CCDC73: variants seen among roughly 807,000 people sequenced by gnomAD.
The protein encoded by CCDC73 is coiled-coil domain-containing protein 73.
In CCDC73, 95 loss-of-function variants were observed where a neutral mutation model predicts 116.5. The ratio of observed to expected loss-of-function variants is 0.82; its 90% CI spans 0.69 to 0.97. CCDC73 has a LOEUF of 0.97. Among genes scored for constraint, CCDC73 ranks in the 50% least tolerant of loss-of-function variants. The pLI, the probability that CCDC73 is intolerant of heterozygous loss-of-function variation, is 0.00. For synonymous variants in CCDC73, 398 were observed against 401.3 expected (o/e 0.99, Z 0.10); for missense variants, 1,066 against 1,206.8 (o/e 0.88, Z 1.73).
intron 14 of CCDC73, among the ~76,000 whole-genome samples, chr11:32,617,612 A>T (rs1369091163): frequency 6.6e-6 from 1 of 152,130 alleles, no homozygotes; most frequent in Non-Finnish European, 1.5e-5. Context: ...CCCATTGGTG[A>T]TGTATGGAAC....
the CCDC73 span, among the ~76,000 whole-genome samples, chr11:32,810,697 C>A: frequency 3.9e-5 from 6 of 152,216 alleles, no homozygotes; most frequent in Admixed American, 3.3e-4. Context: ...AGAAATAGAG[C>A]CACTATCTTA....
At chr11:32,704,477 G>A (rs756684190) in intron 3 of CCDC73, among the ~76,000 whole-genome samples, 4 of 152,194 alleles carry the variant, frequency 2.6e-5, no homozygotes, top group Non-Finnish European at 5.9e-5. Context: ...TGAAACTTAG[G>A]GCACCAATGA....
the CCDC73 span, chr11:32,830,159 T>C: frequency 9.8e-7 from 1 of 1,019,804 alleles, no homozygotes; most frequent in Non-Finnish European, 1.2e-6. Context: ...CTGGAACATG[T>C]GCGGGGGGAC....
At chr11:32,718,039 T>G (rs1849960591) in intron 3 of CCDC73, 37 bp downstream of exon 3, 1 of 1,416,626 alleles carries the variant, frequency 7.1e-7, no homozygotes, top group Non-Finnish European at 9.8e-7. Context: ...CAAGATGAGA[T>G]TTGGCTGGGG....
At chr11:32,656,433 T>C (rs1855873536) in intron 9 of CCDC73, among the ~76,000 whole-genome samples, 1 of 152,164 alleles carries the variant, frequency 6.6e-6, no homozygotes, top group Admixed American at 6.5e-5. Context: ...AGATGCCAGG[T>C]ACCAGCTTTA....
chr11:32,651,743 T>G (rs1855827850), intron 12 of CCDC73, among the ~76,000 whole-genome samples: 1 of 152,244 alleles, frequency 6.6e-6, no homozygotes, highest in African/African-American at 2.4e-5. Context: ...ATGATGCCAG[T>G]GCACTGGTCA....
At position 32,615,077 on chromosome 11, in the gene CCDC73, A is replaced by G. The variant is rs907698047; in HGVS notation, c.1376-135T>C. 2.6e-5 allele frequency: 14 copies of G among 534,196 alleles called. No homozygotes were observed. In the Admixed American group the frequency reaches 5.0e-4, roughly 19 times the overall value. 33.1% of individuals were successfully genotyped at this position (534,196 alleles called of 1,614,324 possible). On this transcript the variant is annotated intron_variant, in intron 15 of 17. Transcript: ENST00000335185. ...ATGGGTCAATAATTATACAAACTTA[A>G]TGACATCAATATTACCTAAATACTG...
At chr11:32,679,453 T>G (rs971962691) in intron 7 of CCDC73, among the ~76,000 whole-genome samples, 1 of 152,052 alleles carries the variant, frequency 6.6e-6, no homozygotes, top group Non-Finnish European at 1.5e-5. Flanking sequence ...AACCTCCACC[T>G]CCCAGGTTCA....
intron 2 of CCDC73, among the ~76,000 whole-genome samples, chr11:32,755,536 A>AAT (rs375204188): frequency 0.056 from 3,327 of 59,862 alleles, 356 homozygotes; most frequent in African/African-American, 0.077. Flanking sequence ...TCCATCTCAA[A>AAT]ATATATATAT....
At chr11:32,690,539 G>A (rs1478231744) in intron 6 of CCDC73, among the ~76,000 whole-genome samples, 2 of 152,182 alleles carry the variant, frequency 1.3e-5, no homozygotes, top group Non-Finnish European at 2.9e-5. Flanking sequence ...AATGGGGGCA[G>A]TTTCTAATGG....
chr11:32,632,673 A>G (rs1855642531), intron 14 of CCDC73, among the ~76,000 whole-genome samples: 1 of 152,072 alleles, frequency 6.6e-6, no homozygotes, highest in Non-Finnish European at 1.5e-5. Flanking sequence ...AAAATCTTTC[A>G]TTATAACTGT....
At chr11:32,821,397 G>T in the CCDC73 span, among the ~76,000 whole-genome samples, 1 of 152,230 alleles carries the variant, frequency 6.6e-6, no homozygotes, top group East Asian at 1.9e-4. Context: ...TTCTTCAGAG[G>T]TCATTTTTAA....
intron 1 of CCDC73, among the ~76,000 whole-genome samples, chr11:32,763,534 C>G (rs1850411326): frequency 6.6e-6 from 1 of 152,218 alleles, no homozygotes; most frequent in African/African-American, 2.4e-5. Context: ...CAAACTCCAA[C>G]AGACCTGCAG....
intron 3 of CCDC73, among the ~76,000 whole-genome samples, chr11:32,707,357 G>T (rs1290858542): frequency 6.7e-6 from 1 of 149,782 alleles, no homozygotes; most frequent in Non-Finnish European, 1.5e-5. Flanking sequence ...CAAGTACTAT[G>T]TTATCTTCAG....
At chr11:32,658,621 A>C (rs1338991402) in intron 9 of CCDC73, among the ~76,000 whole-genome samples, 1 of 152,206 alleles carries the variant, frequency 6.6e-6, no homozygotes, top group Non-Finnish European at 1.5e-5. Context: ...AGGCACATAG[A>C]AGTTAAATCA....
At chr11:32,790,526 G>A (rs1590649559) in intron 1 of CCDC73, among the ~76,000 whole-genome samples, 2 of 152,166 alleles carry the variant, frequency 1.3e-5, no homozygotes, top group African/African-American at 4.8e-5. Flanking sequence ...AGAGCATAGT[G>A]AATACTTGAT....
intron 6 of CCDC73, among the ~76,000 whole-genome samples, chr11:32,692,040 T>C (rs1307572906): frequency 9.5e-6 from 1 of 105,654 alleles, no homozygotes; most frequent in African/African-American, 4.0e-5. Flanking sequence ...AGAGCAAGAC[T>C]CCGTCTCACA....
intron 9 of CCDC73, among the ~76,000 whole-genome samples, chr11:32,661,407 C>T (rs1855924380): frequency 6.6e-6 from 1 of 151,648 alleles, no homozygotes; most frequent in African/African-American, 2.4e-5. Flanking sequence ...CCCATTAACT[C>T]TTCATTTACA....
chr11:32,672,980 T>C (rs923862434), intron 9 of CCDC73, among the ~76,000 whole-genome samples: 2 of 152,160 alleles, frequency 1.3e-5, no homozygotes, highest in East Asian at 1.9e-4. Flanking sequence ...TCACAGTCAA[T>C]AGTATTATAA....
Sources: allele counts gnomAD v4.1 joint callset (sites outside exome capture counted in the v4.1 genomes callset), GRCh38; gene constraint gnomAD v4.1.1; transcripts MANE v1.5; gene names NCBI Gene and HGNC (gene_info 2026-07-23, HGNC 2026-07-21).